CDH13: variants seen among roughly 807,000 people sequenced by gnomAD.
CDH13 encodes the protein cadherin-13.
In CDH13, 24 loss-of-function variants were observed where a neutral mutation model predicts 63.8. The observed-to-expected ratio is 0.38, with a 90% CI of 0.27 to 0.53. The LOEUF (loss-of-function observed/expected upper bound fraction) is 0.53, where lower values mean the gene tolerates loss of function less well. Among genes scored for constraint, CDH13 ranks in the 20% least tolerant of loss-of-function variants. The pLI is 0.85. For synonymous variants in CDH13, 503 were observed against 355.3 expected, an observed-to-expected ratio of 1.42 and a Z score of -4.67; for missense variants, 1,049 against 903.1, an observed-to-expected ratio of 1.16 and a Z score of -2.07.
At chr16:83,479,466 C>A (rs2073701860) in intron 6 of CDH13, among the ~76,000 whole-genome samples, 1 of 152,266 alleles carries the variant, frequency 6.6e-6, no homozygotes, top group Admixed American at 6.5e-5. Context: ...ACCATCCTGG[C>A]TAACATGGTG....
At chr16:82,884,314 G>A (rs1436120421) in intron 2 of CDH13, 12 of 423,448 alleles carry the variant, frequency 2.8e-5, no homozygotes, top group Non-Finnish European at 5.6e-5. Context: ...GAGAAAAGGA[G>A]GCAACCTGGG....
chr16:82,626,969 A>G lies in CDH13; in HGVS notation c.-124A>G. 4 of 1,065,902 alleles carry G rather than the reference A, an allele frequency of 3.8e-6. No individual in the cohort carries two copies. The highest frequency in any genetic ancestry group is 2.7e-5 in the South Asian group (2 of 74,118). 66.0% of individuals were successfully genotyped at this position (1,065,902 alleles called of 1,614,324 possible). On this transcript the variant is annotated 5_prime_UTR_variant, in exon 1 of 14. Transcript: ENST00000567109. ...GCTTTCGTGATGCTGCTGCTGATCT[A>G]TTTGGGAAGTTGGCTGGCTGGCGAG...
At position 83,277,163 on chromosome 16, in the gene CDH13, A is replaced by G. The variant is rs1028385034; in HGVS notation, c.636+59666A>G. On this transcript the variant is annotated intron_variant, in intron 5 of 13. Transcript: ENST00000567109. ...CAATAAATACTGGATAGGTGGATTCATTGGTACCTGTCTTCTTAAAAGAAG... is the reference window on the plus strand; with the variant it reads ...CAATAAATACTGGATAGGTGGATTCGTTGGTACCTGTCTTCTTAAAAGAAG... Among the ~76,000 whole-genome samples the G allele has an allele frequency of 5.3e-5, 8 of 152,200 alleles. No homozygotes were observed. The South Asian group carries it at 6.2e-4, about 12-fold the overall frequency.
intron 5 of CDH13, among the ~76,000 whole-genome samples, chr16:83,289,061 G>A (rs2089400168): frequency 6.6e-6 from 1 of 152,194 alleles, no homozygotes; most frequent in Admixed American, 6.5e-5. Context: ...CATTCACCAA[G>A]TGAGTCTTTA....
At chr16:83,784,892 A>T (rs541127670) in intron 13 of CDH13, among the ~76,000 whole-genome samples, 16 of 152,150 alleles carry the variant, frequency 1.1e-4, no homozygotes, top group Non-Finnish European at 2.2e-4. Context: ...TGTCTCAGGT[A>T]CTAATGTCAC....
In CDH13 at chr16:82,896,276, ATTTTTTTTTTTTTTTT is replaced by A. The variant is rs59677448; in HGVS notation, c.157+37821_157+37836del. On this transcript the variant is annotated intron_variant, in intron 2 of 13. Coordinates refer to ENST00000567109, the MANE Select transcript of CDH13 (RefSeq NM_001257.5). ...GAGTCTTCTGAGAACTAGGATTAGG[ATTTTTTTTTTTTTTTT>A]TTTTTTTTTTTTTTTTTGAAACAAG... 6.4e-3 allele frequency among the ~76,000 whole-genome samples: 564 copies of A among 87,880 alleles called. 4 individuals carry two copies. Among genetic ancestry groups the A allele is most frequent in the Admixed American group, 0.014 (90 of 6,302 alleles). 57.7% of individuals were successfully genotyped at this position (87,880 alleles called of 152,430 possible).
intron 10 of CDH13, among the ~76,000 whole-genome samples, chr16:83,743,657 C>G (rs1246257134): frequency 2.0e-5 from 3 of 149,628 alleles, no homozygotes; most frequent in Non-Finnish European, 4.4e-5. Context: ...TCATTTAAAA[C>G]TTTCATTATT....
intron 6 of CDH13, among the ~76,000 whole-genome samples, chr16:83,397,671 G>A (rs1410160572): frequency 3.3e-5 from 5 of 152,136 alleles, no homozygotes; most frequent in Non-Finnish European, 5.9e-5. Context: ...ATAAGTTATC[G>A]GAGTGTGTTT....
intron 6 of CDH13, among the ~76,000 whole-genome samples, chr16:83,393,416 T>G (rs1304241594): frequency 6.6e-6 from 1 of 152,096 alleles, no homozygotes; most frequent in African/African-American, 2.4e-5. Flanking sequence ...AATGATCCTT[T>G]CCCTAGAGAT....
intron 8 of CDH13, among the ~76,000 whole-genome samples, chr16:83,664,369 A>G (rs1393127826): frequency 6.6e-6 from 1 of 152,144 alleles, no homozygotes; most frequent in Non-Finnish European, 1.5e-5. Flanking sequence ...AAGCAACCAC[A>G]GGTCCCTTGA....
chr16:82,988,789 G>A (rs556709533), intron 2 of CDH13, among the ~76,000 whole-genome samples: 1 of 150,494 alleles, frequency 6.6e-6, no homozygotes, highest in Non-Finnish European at 1.5e-5. Flanking sequence ...TGCGAGTAAT[G>A]AAGGGCAGAT....
intron 1 of CDH13, among the ~76,000 whole-genome samples, chr16:82,700,292 G>A (rs1471402295): frequency 6.6e-6 from 1 of 152,180 alleles, no homozygotes; most frequent in Non-Finnish European, 1.5e-5. Context: ...GAACCCTTTT[G>A]TTCACAGGGC....
At chr16:83,019,253 T>C (rs1027243319) in intron 2 of CDH13, among the ~76,000 whole-genome samples, 1 of 152,156 alleles carries the variant, frequency 6.6e-6, no homozygotes, top group Non-Finnish European at 1.5e-5. Context: ...TTAAATGTTT[T>C]CTCTTTTTCT....
In CDH13 at chr16:83,145,468, C is replaced by T. The variant is rs564583494; in HGVS notation, c.483+19967C>T. 7.9e-5 allele frequency among the ~76,000 whole-genome samples: 12 copies of T among 152,240 alleles called. No individual in the cohort carries two copies. In the South Asian group the frequency reaches 1.0e-3, roughly 13 times the overall value. On this transcript the variant is annotated intron_variant, in intron 4 of 13. Coordinates refer to ENST00000567109, the MANE Select transcript of CDH13 (RefSeq NM_001257.5). ...CTTGGCATGTCATGAGGACTGTTGC[C>T]GTTATTAGCGATGACAATGCAGTCA... is the stretch of plus-strand genomic sequence containing the variant.
rs139813919 is a variant in CDH13 at position 82,658,114 on chromosome 16, A to G, written c.45+30977A>G. On this transcript the variant is annotated intron_variant, in intron 1 of 13. Coordinates refer to ENST00000567109, the MANE Select transcript of CDH13 (RefSeq NM_001257.5). The stretch of plus-strand genomic sequence containing the variant: ...TGTTACTAGTTTGTTGAGAGTTATT[A>G]TGAGTATTGATTTTGCCAAGTGCTT... 6.5e-3 allele frequency among the ~76,000 whole-genome samples: 991 copies of G among 152,234 alleles called. 7 individuals carry two copies. The highest frequency in any genetic ancestry group is 0.023 in the African/African-American group (944 of 41,530).
chr16:83,419,188 C>G (rs1029045563), intron 6 of CDH13, among the ~76,000 whole-genome samples: 1 of 152,174 alleles, frequency 6.6e-6, no homozygotes, highest in African/African-American at 2.4e-5. Flanking sequence ...CCATCCCTAT[C>G]GTGCCCCCTG....
intron 3 of CDH13, among the ~76,000 whole-genome samples, chr16:83,097,385 A>T (rs1271778394): frequency 6.6e-6 from 1 of 152,216 alleles, no homozygotes; most frequent in African/African-American, 2.4e-5. Context: ...TGCCAAATAT[A>T]ACACTAGTCT....
intron 10 of CDH13, among the ~76,000 whole-genome samples, chr16:83,743,748 C>CTTTTTTCTTTTTTTTTTTTTTTTTTTT (rs1912281994): frequency 7.9e-5 from 6 of 76,258 alleles, no homozygotes; most frequent in African/African-American, 3.3e-4. Context: ...TTTCTTTTTT[C>CTTTTTTCTTTTTTTTTTTTTTTTTTTT]TTTTTTTTTT....
At chr16:83,567,574 T>C in intron 7 of CDH13, among the ~76,000 whole-genome samples, 1 of 152,178 alleles carries the variant, frequency 6.6e-6, no homozygotes, top group East Asian at 1.9e-4. Flanking sequence ...ACAAGTTTTT[T>C]CTTTGTTCGT....
Sources: allele counts gnomAD v4.1 joint callset (sites outside exome capture counted in the v4.1 genomes callset), GRCh38; gene constraint gnomAD v4.1.1; transcripts MANE v1.5; gene names NCBI Gene and HGNC (gene_info 2026-07-23, HGNC 2026-07-21).